Variants in IGF2BP1 observed in about 807,000 individuals in gnomAD.
The protein encoded by IGF2BP1 is insulin like growth factor 2 mRNA binding protein 1, also known as insulin-like growth factor 2 mRNA-binding protein 1.
In IGF2BP1, 11 loss-of-function variants were observed where a neutral mutation model predicts 74.9. That is an observed-to-expected ratio of 0.15 (90% CI 0.09 to 0.24). The LOEUF is 0.24. Ranked by LOEUF, IGF2BP1 falls within the 10% of genes least tolerant of loss-of-function variation. IGF2BP1 has a pLI of 1.00. For missense variants in IGF2BP1, 440 were observed against 757.4 expected (o/e 0.58, Z 4.92); for synonymous variants, 287 against 281.8 (o/e 1.02, Z -0.18).
At chr17:49,034,783 A>G (rs1333266656) in intron 5 of IGF2BP1, among the ~76,000 whole-genome samples, 1 of 151,956 alleles carries the variant, frequency 6.6e-6, no homozygotes, top group East Asian at 1.9e-4. Flanking sequence ...ACGAAAAACC[A>G]AAAACACAAA....
At chr17:49,035,981 A>G (rs2041982843) in intron 5 of IGF2BP1, among the ~76,000 whole-genome samples, 1 of 152,018 alleles carries the variant, frequency 6.6e-6, no homozygotes. Context: ...CGGCCTGGTA[A>G]TTTGACACGG....
At chr17:49,040,563 C>A (rs2042039757) in intron 7 of IGF2BP1, among the ~76,000 whole-genome samples, 1 of 152,224 alleles carries the variant, frequency 6.6e-6, no homozygotes, top group Admixed American at 6.5e-5. Flanking sequence ...TGTGCACTCA[C>A]AGGTGTGTGT....
intron 2 of IGF2BP1, chr17:49,014,858 T>C (rs1465919630): frequency 1.0e-6 from 1 of 985,154 alleles, no homozygotes; most frequent in African/African-American, 1.7e-5. Flanking sequence ...CGAAGACAGA[T>C]TGCTTTGGAG....
At chr17:49,031,833 G>C (rs1365818822) in intron 4 of IGF2BP1, 77 bp from the exon 5 acceptor site, 2 of 1,312,532 alleles carry the variant, frequency 1.5e-6, no homozygotes, top group East Asian at 4.6e-5. Flanking sequence ...TCAAAACGTG[G>C]AAAGCTGGAG....
At chr17:49,019,932 ATATATATATATATATATT>A (rs1445298866) in intron 2 of IGF2BP1, among the ~76,000 whole-genome samples, 1,896 of 64,584 alleles carry the variant, frequency 0.029, 39 homozygotes, top group Non-Finnish European at 0.041. Context: ...ATATATATAT[ATATATATATATATATATT>A]TATATACACA....
intron 4 of IGF2BP1, among the ~76,000 whole-genome samples, chr17:49,028,680 A>G (rs1226579077): frequency 2.6e-5 from 4 of 152,234 alleles, no homozygotes; most frequent in African/African-American, 7.2e-5. Flanking sequence ...GATATCTGCT[A>G]CCTGGAGAGA....
chr17:49,048,673 G>A (rs1359276406), intron 14 of IGF2BP1, among the ~76,000 whole-genome samples: 2 of 152,146 alleles, frequency 1.3e-5, no homozygotes, highest in Non-Finnish European at 2.9e-5. Flanking sequence ...CCACGGACTG[G>A]TACCGGGCCA....
intron 2 of IGF2BP1, among the ~76,000 whole-genome samples, chr17:49,006,231 G>A (rs1372381520): frequency 6.6e-6 from 1 of 152,170 alleles, no homozygotes; most frequent in Non-Finnish European, 1.5e-5. Flanking sequence ...TGTAATGGTT[G>A]TTTGTGTGGT....
rs59508101 is a variant in IGF2BP1 at position 49,055,836 on chromosome 17, G to GT, written c.*6414dup. ...AGCTGGAGGCCTACTGCTTGGGACAGTTTTTTTTTTTTTTTTTTTTTTAAA... is the reference window on the plus strand; with the variant it reads ...AGCTGGAGGCCTACTGCTTGGGACAGTTTTTTTTTTTTTTTTTTTTTTTAAA... On this transcript the variant is annotated 3_prime_UTR_variant, in exon 15 of 15. Transcript: ENST00000290341. Among the ~76,000 whole-genome samples the GT allele has an allele frequency of 0.38, 47,452 of 125,488 alleles. 9,595 individuals are homozygous for GT. The highest frequency in any genetic ancestry group is 0.52 in the African/African-American group (16,771 of 32,474). 82.3% of individuals were successfully genotyped at this position (125,488 alleles called of 152,430 possible). A position where few individuals can be genotyped will look rare whatever the true frequency, so the allele number is the denominator to read the frequency against.
At position 49,055,478 on chromosome 17, in the gene IGF2BP1, GT is replaced by G; in HGVS notation, c.*6038del. 1 of 383,140 alleles carries G rather than the reference GT, an allele frequency of 2.6e-6. No homozygotes were observed. The allele number at this position is 383,140 out of a possible 1,614,324, so 23.7% of individuals were successfully genotyped here. ...AAGCTCCCCCAGGAATAAAGGCTTT[GT>G]TTTGGGGATGCTTAAATCTTGACTG... On this transcript the variant is annotated 3_prime_UTR_variant, in exon 15 of 15. Transcript: ENST00000290341.
Position 49,041,508 on chromosome 17 carries a change from T to C in IGF2BP1, c.941+8T>C, listed in dbSNP as rs1487161363. The C allele has an allele frequency of 1.9e-6, 3 of 1,613,890 alleles. No individual in the cohort carries two copies. The African/African-American group carries it at 4.0e-5, about 22-fold the overall frequency. ...AAAAATCACCATCTCCTCGTAAGGC[T>C]CTCTTCTATTTCCCTGTTTATGAGT... On this transcript the variant is annotated splice_region_variant and intron_variant, in intron 8 of 14. Transcript: ENST00000290341.
intron 3 of IGF2BP1, among the ~76,000 whole-genome samples, chr17:49,025,957 G>A (rs750355348): frequency 2.9e-4 from 43 of 149,998 alleles, no homozygotes; most frequent in Non-Finnish European, 1.9e-4. Flanking sequence ...CTGAGTTCAC[G>A]CGATTCTTCT....
chr17:49,045,782 G>T, intron 12 of IGF2BP1, 108 bp from the exon 13 acceptor site: 1 of 1,186,916 alleles, frequency 8.4e-7, no homozygotes, highest in Non-Finnish European at 1.2e-6. Flanking sequence ...GCCTAGGATG[G>T]GGAGGGCCTG....
intron 5 of IGF2BP1, chr17:49,036,243 G>A (rs1170669105): frequency 6.6e-6 from 1 of 152,204 alleles, no homozygotes; most frequent in African/African-American, 2.4e-5. Context: ...CCGTGCTGGC[G>A]GACCCCATTG....
intron 2 of IGF2BP1, among the ~76,000 whole-genome samples, chr17:49,000,398 C>G (rs1243677293): frequency 6.6e-6 from 1 of 152,098 alleles, no homozygotes; most frequent in Non-Finnish European, 1.5e-5. Flanking sequence ...ACTATTGTGT[C>G]TATAGATCAA....
Position 49,045,019 on chromosome 17 carries a change from A to G in IGF2BP1, c.1349A>G (p.Lys450Arg), listed in dbSNP as rs1384813692. 1.2e-6 allele frequency: 2 copies of G among 1,614,160 alleles called. No homozygotes were observed. Among genetic ancestry groups the G allele is most frequent in the African/African-American group, 1.3e-5 (1 of 75,070 alleles). Residue 450 changes from lysine to arginine, a missense_variant, in exon 12 of 15, where the codon AAA becomes AGA. Lys to Arg is a conservative substitution (Grantham distance 26, BLOSUM62 2). Transcript: ENST00000290341. ...KIAPPETPDS[K>R]VRMVIITGPP... ...GCACCACCCGAAACACCTGACTCCA[A>G]AGTTCGTATGGTTATCATCACTGGA...
Position 49,051,862 on chromosome 17 carries a change from A to G in IGF2BP1, c.*2418A>G, listed in dbSNP as rs1290869176. On this transcript the variant is annotated 3_prime_UTR_variant, in exon 15 of 15. Transcript: ENST00000290341. ...TTTTTTTTTGTTATTGTTTCATTTC[A>G]GTTCCGTCTTGCTATTCTTCCTAAT... The G allele has an allele frequency of 6.6e-6, 1 of 150,878 alleles. No individual in the cohort carries two copies. Among genetic ancestry groups the G allele is most frequent in the Non-Finnish European group, 1.5e-5 (1 of 67,862 alleles). 9.3% of individuals were successfully genotyped at this position (150,878 alleles called of 1,614,324 possible).
chr17:49,031,130 T>C (rs1404243816), intron 4 of IGF2BP1, among the ~76,000 whole-genome samples: 1 of 152,224 alleles, frequency 6.6e-6, no homozygotes, highest in Non-Finnish European at 1.5e-5. Context: ...TCTTTCTTTG[T>C]TTTTCTGAGA....
At chr17:49,026,733 C>T (rs2041863067) in intron 4 of IGF2BP1, among the ~76,000 whole-genome samples, 1 of 113,584 alleles carries the variant, frequency 8.8e-6, no homozygotes, top group Non-Finnish European at 1.8e-5. Context: ...GCCTTCCTGC[C>T]TTCCTGCCTG....
Sources: allele counts gnomAD v4.1 joint callset (sites outside exome capture counted in the v4.1 genomes callset), GRCh38; gene constraint gnomAD v4.1.1; transcripts MANE v1.5; gene names NCBI Gene and HGNC (gene_info 2026-07-23, HGNC 2026-07-21).